PLPP4: variants seen among roughly 807,000 people sequenced by gnomAD.
PLPP4 encodes the protein phospholipid phosphatase 4.
PLPP4 carries 20 observed loss-of-function variants against 32.2 expected under a neutral mutation model. That is an observed-to-expected ratio of 0.62 (90% CI 0.44 to 0.90). The LOEUF is 0.90. Ranked by LOEUF, PLPP4 falls within the 40% of genes least tolerant of loss-of-function variation. The pLI is 0.00. For missense variants in PLPP4, 257 were observed against 353.1 expected (o/e 0.73, Z 2.18); for synonymous variants, 127 against 133.0 (o/e 0.95, Z 0.31).
chr10:120,482,962 T>G (rs1844278522), intron 1 of PLPP4, among the ~76,000 whole-genome samples: 2 of 152,134 alleles, frequency 1.3e-5, no homozygotes, highest in Admixed American at 1.3e-4. Flanking sequence ...AGCATTTGAG[T>G]CAGTGGACTG....
chr10:120,517,548 C>T (rs554856815), intron 3 of PLPP4, among the ~76,000 whole-genome samples: 2 of 152,314 alleles, frequency 1.3e-5, no homozygotes, highest in African/African-American at 4.8e-5. Flanking sequence ...AATGGCAGTG[C>T]TGTGCGGCTG....
intron 5 of PLPP4, among the ~76,000 whole-genome samples, chr10:120,526,718 G>T (rs1401151338): frequency 6.6e-6 from 1 of 152,272 alleles, no homozygotes; most frequent in African/African-American, 2.4e-5. Context: ...GAAAGGGGAT[G>T]GTTTCCTGGC....
chr10:120,508,171 A>G (rs1845583646), intron 2 of PLPP4, among the ~76,000 whole-genome samples: 1 of 152,194 alleles, frequency 6.6e-6, no homozygotes. Flanking sequence ...AGGCAGAAAT[A>G]AAGTCATTTT....
At chr10:120,575,395 G>A (rs1849175893) in intron 6 of PLPP4, 94 bp downstream of exon 6, 1 of 1,354,446 alleles carries the variant, frequency 7.4e-7, no homozygotes, top group East Asian at 2.4e-5. Context: ...GGGGAGCTAA[G>A]TGCCCATTGT....
intron 2 of PLPP4, among the ~76,000 whole-genome samples, chr10:120,506,938 A>G (rs1452586073): frequency 3.3e-5 from 5 of 152,236 alleles, no homozygotes; most frequent in Non-Finnish European, 5.9e-5. Flanking sequence ...GATGCACTCA[A>G]AAGTCTTGCT....
chr10:120,584,911 A>G (rs532594626), intron 6 of PLPP4, among the ~76,000 whole-genome samples: 1 of 152,326 alleles, frequency 6.6e-6, no homozygotes, highest in East Asian at 1.9e-4. Flanking sequence ...ATTGGCAGGA[A>G]TTGTCATTTC....
At chr10:120,578,540 C>T (rs1010396075) in intron 6 of PLPP4, among the ~76,000 whole-genome samples, 3 of 152,184 alleles carry the variant, frequency 2.0e-5, no homozygotes, top group East Asian at 1.9e-4. Flanking sequence ...GGAAATACAT[C>T]CAATTACTCG....
intron 1 of PLPP4, among the ~76,000 whole-genome samples, chr10:120,465,943 C>T (rs902063830): frequency 1.3e-5 from 2 of 152,052 alleles, no homozygotes; most frequent in Non-Finnish European, 2.9e-5. Context: ...TCATTTTACC[C>T]ACGGATATAT....
chr10:120,541,101 G>T (rs1040304084), intron 5 of PLPP4, among the ~76,000 whole-genome samples: 1 of 152,124 alleles, frequency 6.6e-6, no homozygotes, highest in African/African-American at 2.4e-5. Flanking sequence ...TGATATATTT[G>T]CTTTTATAAT....
rs1254423338 is a variant in PLPP4, at chr10:120,552,035, A to G, written c.446-23096A>G. On this transcript the variant is annotated intron_variant, in intron 5 of 6. Coordinates refer to ENST00000398250, the MANE Select transcript of PLPP4 (RefSeq NM_001030059.3). ...TCTTATTTGCCCCCCAGAACTGAGC[A>G]TAATACCTGGCCAGACTTGTAGCAG... Among the ~76,000 whole-genome samples, 12 of 152,308 alleles carry G rather than the reference A, an allele frequency of 7.9e-5. No individual in the cohort carries two copies. In the East Asian group the frequency reaches 1.5e-3, roughly 20 times the overall value.
chr10:120,457,319 C>T lies in PLPP4; in HGVS notation c.14C>T (p.Ala5Val), dbSNP rs915908242. Reference sequence around the variant, plus strand: ...TCCGGCCGCACCATGCGGGAGCTGGCCATTGAGATCGGGGTGCGAGCCCTG... The same window carrying T: ...TCCGGCCGCACCATGCGGGAGCTGGTCATTGAGATCGGGGTGCGAGCCCTG... MREL[A>V]IEIGVRALLF... The change falls in exon 1 of 7, where the codon GCC (alanine) becomes GTC (valine). Residue 5 changes from alanine (A) to valine (V), a missense_variant. Ala to Val is a moderately conservative substitution (Grantham distance 64). Transcript: ENST00000398250. 4.4e-5 allele frequency: 67 copies of T among 1,532,726 alleles called. No individual in the cohort carries two copies. The highest frequency in any genetic ancestry group is 5.7e-5 in the Non-Finnish European group (65 of 1,138,752). 94.9% of individuals were successfully genotyped at this position (1,532,726 alleles called of 1,614,324 possible).
At chr10:120,529,204 G>T (rs551065309) in intron 5 of PLPP4, among the ~76,000 whole-genome samples, 3 of 151,928 alleles carry the variant, frequency 2.0e-5, no homozygotes, top group African/African-American at 2.4e-5. Flanking sequence ...GTGTGTGTGC[G>T]TGCATGTGTA....
At chr10:120,566,579 GT>G (rs1372708440) in intron 5 of PLPP4, among the ~76,000 whole-genome samples, 2 of 141,424 alleles carry the variant, frequency 1.4e-5, no homozygotes, top group African/African-American at 5.3e-5. Flanking sequence ...GTCTCACCCT[GT>G]CACCCAGGCT....
chr10:120,492,721 C>T (rs1454358566), intron 1 of PLPP4, among the ~76,000 whole-genome samples: 1 of 152,230 alleles, frequency 6.6e-6, no homozygotes, highest in Non-Finnish European at 1.5e-5. Flanking sequence ...TTCAGAGCAA[C>T]ACTATCTTCC....
At chr10:120,518,754 A>T in intron 3 of PLPP4, 79 bp from the exon 4 acceptor site, 1 of 1,066,514 alleles carries the variant, frequency 9.4e-7, no homozygotes, top group Non-Finnish European at 1.4e-6. Context: ...TGTAACAGTG[A>T]TGATGATGAT....
chr10:120,487,172 G>T (rs570670313), intron 1 of PLPP4, among the ~76,000 whole-genome samples: 2 of 152,234 alleles, frequency 1.3e-5, no homozygotes, highest in African/African-American at 4.8e-5. Flanking sequence ...ACAACTGCAG[G>T]TTCCAGAGAA....
At position 120,591,179 on chromosome 10, in the gene PLPP4, A is replaced by G. The variant is rs1487486535; in HGVS notation, c.*1677A>G. ...TGGGCTGCGTGTGCAAGTTAGAAGCATCAGAATATCTTTGATCAGCCATTT... is the reference window on the plus strand; with the variant it reads ...TGGGCTGCGTGTGCAAGTTAGAAGCGTCAGAATATCTTTGATCAGCCATTT... On this transcript the variant is annotated 3_prime_UTR_variant, in exon 7 of 7. Coordinates refer to ENST00000398250, the MANE Select transcript of PLPP4 (RefSeq NM_001030059.3). Among the ~76,000 whole-genome samples the G allele has an allele frequency of 2.6e-5, 4 of 152,222 alleles. No individual in the cohort carries two copies.
chr10:120,526,812 T>G (rs1459168831), intron 5 of PLPP4, among the ~76,000 whole-genome samples: 1 of 152,178 alleles, frequency 6.6e-6, no homozygotes, highest in Non-Finnish European at 1.5e-5. Flanking sequence ...AGCCCCATAG[T>G]TCACCCCCTG....
chr10:120,507,091 T>C (rs192252976), intron 2 of PLPP4, among the ~76,000 whole-genome samples: 1 of 152,316 alleles, frequency 6.6e-6, no homozygotes, highest in East Asian at 1.9e-4. Flanking sequence ...TAATCGGTAT[T>C]AGTTGTTGCT....
Sources: gnomAD v4.1 joint callset for allele counts (sites outside exome capture counted in the v4.1 genomes callset) on GRCh38, gnomAD v4.1.1 for gene constraint, MANE v1.5 for transcripts, NCBI Gene and HGNC (gene_info 2026-07-23, HGNC 2026-07-21) for gene names.